PTPN13: variants seen among roughly 807,000 people sequenced by gnomAD.
PTPN13 encodes protein tyrosine phosphatase non-receptor type 13.
Under a neutral mutation model 284.0 loss-of-function variants are expected in PTPN13, and 191 were observed. That is an observed-to-expected ratio of 0.67 (90% CI 0.60 to 0.76). PTPN13 has a LOEUF of 0.76. Ranked by LOEUF, PTPN13 falls within the 30% of genes least tolerant of loss-of-function variation. The pLI is 0.00. For missense variants in PTPN13, 2,797 were observed against 2,939.9 expected (o/e 0.95, Z 1.12); for synonymous variants, 986 against 1,022.3 (o/e 0.96, Z 0.68).
At chr4:86,595,581 G>T (rs1763605747) in intron 1 of PTPN13, 1 of 166,526 alleles carries the variant, frequency 6.0e-6, no homozygotes, top group Non-Finnish European at 1.2e-5. Flanking sequence ...GTATATGATC[G>T]ACACCACCGC....
intron 40 of PTPN13, among the ~76,000 whole-genome samples, chr4:86,790,855 AC>A (rs1742544465): frequency 6.6e-6 from 1 of 152,136 alleles, no homozygotes; most frequent in Non-Finnish European, 1.5e-5. Flanking sequence ...ATTTAAGAAT[AC>A]AATTTGGGGG....
chr4:86,764,300 A>G (rs1464677431), intron 24 of PTPN13, among the ~76,000 whole-genome samples: 1 of 152,148 alleles, frequency 6.6e-6, no homozygotes, highest in Middle Eastern at 3.2e-3. Context: ...ACCTGAAGCA[A>G]GCTCTTTAAT....
At chr4:86,714,089 C>G (rs1732731014) in intron 7 of PTPN13, among the ~76,000 whole-genome samples, 1 of 149,738 alleles carries the variant, frequency 6.7e-6, no homozygotes, top group South Asian at 2.1e-4. Context: ...AAAAAAGACA[C>G]AAGAAAATTC....
At chr4:86,629,265 A>G (rs1010358091) in intron 1 of PTPN13, among the ~76,000 whole-genome samples, 1 of 147,140 alleles carries the variant, frequency 6.8e-6, no homozygotes, top group Non-Finnish European at 1.5e-5. Flanking sequence ...AAAACAAACA[A>G]CCCCATCAAA....
chr4:86,743,334 G>C (rs1329108010), intron 16 of PTPN13, among the ~76,000 whole-genome samples: 1 of 152,088 alleles, frequency 6.6e-6, no homozygotes, highest in Non-Finnish European at 1.5e-5. Context: ...TATAGGTAGT[G>C]GTTCTGTAGT....
chr4:86,806,679 AAG>A (rs1744700331), intron 44 of PTPN13, among the ~76,000 whole-genome samples: 1 of 152,232 alleles, frequency 6.6e-6, no homozygotes, highest in Non-Finnish European at 1.5e-5. Flanking sequence ...AGTATGGACT[AAG>A]AGAAAGAAGT....
chr4:86,693,546 G>C, intron 5 of PTPN13, 41 bp from the exon 6 acceptor site: 1 of 1,312,820 alleles, frequency 7.6e-7, no homozygotes, highest in Non-Finnish European at 1.0e-6. Context: ...ACAAAAGGGA[G>C]ATCCTTTTGT....
intron 47 of PTPN13, among the ~76,000 whole-genome samples, chr4:86,814,060 T>G (rs1745530802): frequency 7.1e-6 from 1 of 140,494 alleles, no homozygotes; most frequent in Non-Finnish European, 1.5e-5. Flanking sequence ...CAGGCTGGAG[T>G]GCAGTGGCAC....
chr4:86,725,801 A>G (rs531732604), intron 10 of PTPN13, among the ~76,000 whole-genome samples: 6 of 149,366 alleles, frequency 4.0e-5, no homozygotes, highest in South Asian at 2.1e-4. Flanking sequence ...TTCTTTTGCC[A>G]TACAGACACT....
At chr4:86,754,597 T>C (rs533953556) in intron 20 of PTPN13, among the ~76,000 whole-genome samples, 5 of 151,940 alleles carry the variant, frequency 3.3e-5, no homozygotes, top group Non-Finnish European at 7.4e-5. Flanking sequence ...GGCAATCTGT[T>C]TCTAGAGTCT....
chr4:86,732,898 G>C, intron 12 of PTPN13, 132 bp downstream of exon 12: 2 of 601,318 alleles, frequency 3.3e-6, no homozygotes, highest in Non-Finnish European at 5.1e-6. Flanking sequence ...AAGTGAGTTA[G>C]GAACTCCCTT....
At chr4:86,716,998 A>C (rs759314327) in intron 8 of PTPN13, 26 bp from the exon 9 acceptor site, 11 of 1,505,704 alleles carry the variant, frequency 7.3e-6, no homozygotes, top group Middle Eastern at 1.7e-4. Context: ...CACCTGTGCC[A>C]TTATTTCTTT....
rs985820950 is a variant in PTPN13 at position 86,619,565 on chromosome 4, G to T, written c.-5-15687G>T. Among the ~76,000 whole-genome samples the T allele has an allele frequency of 3.9e-5, 6 of 152,222 alleles. No individual in the cohort carries two copies. In the South Asian group the frequency reaches 6.2e-4, roughly 16 times the overall value. ...AAGTGGAAAAGGCAGTGGAGGGAGG[G>T]AAGAGTCCAGATTTCAACTCCTGTC... On this transcript the variant is annotated intron_variant, in intron 1 of 47. Coordinates refer to ENST00000411767, the MANE Select transcript of PTPN13 (RefSeq NM_080683.3).
chr4:86,689,543 G>A (rs1422991513), intron 5 of PTPN13: 6 of 633,438 alleles, frequency 9.5e-6, no homozygotes, highest in African/African-American at 1.8e-5. Flanking sequence ...CATGAAAATG[G>A]GTTTTAGAAA....
intron 2 of PTPN13, among the ~76,000 whole-genome samples, chr4:86,668,174 C>G (rs1291928654): frequency 6.6e-6 from 1 of 152,134 alleles, no homozygotes; most frequent in Non-Finnish European, 1.5e-5. Flanking sequence ...ATCAGATTTA[C>G]TCTTTCATAA....
At chr4:86,763,465 T>C (rs1738937447) in intron 24 of PTPN13, among the ~76,000 whole-genome samples, 1 of 152,256 alleles carries the variant, frequency 6.6e-6, no homozygotes, top group Non-Finnish European at 1.5e-5. Context: ...CAGTTGTTTG[T>C]CTCTGGCATA....
intron 2 of PTPN13, among the ~76,000 whole-genome samples, chr4:86,664,045 T>C (rs1217829103): frequency 6.6e-6 from 1 of 152,168 alleles, no homozygotes; most frequent in Non-Finnish European, 1.5e-5. Context: ...TTCATTTGTG[T>C]GTAGGATAGG....
At chr4:86,714,955 C>T (rs998119324) in intron 7 of PTPN13, among the ~76,000 whole-genome samples, 11 of 152,022 alleles carry the variant, frequency 7.2e-5, no homozygotes, top group African/African-American at 2.4e-4. Context: ...CTAACTCAGC[C>T]TTTATGTGGT....
At chr4:86,658,517 C>G (rs1726112395) in intron 2 of PTPN13, among the ~76,000 whole-genome samples, 3 of 152,296 alleles carry the variant, frequency 2.0e-5, no homozygotes, top group African/African-American at 7.2e-5. Context: ...ATCTGGCCAT[C>G]TTGCTCTGTC....
Sources: gnomAD v4.1 joint callset for allele counts (sites outside exome capture counted in the v4.1 genomes callset) on GRCh38, gnomAD v4.1.1 for gene constraint, MANE v1.5 for transcripts, NCBI Gene and HGNC (gene_info 2026-07-23, HGNC 2026-07-21) for gene names.